Variants in PIK3R3 observed in about 807,000 individuals in gnomAD.
The protein encoded by PIK3R3 is phosphoinositide-3-kinase regulatory subunit 3, also known as phosphatidylinositol 3-kinase regulatory subunit gamma.
In PIK3R3, 64 loss-of-function variants were observed where a neutral mutation model predicts 62.9. The observed-to-expected ratio is 1.02, with a 90% CI of 0.83 to 1.25. The LOEUF (loss-of-function observed/expected upper bound fraction) is 1.25. Among genes scored for constraint, PIK3R3 ranks in the 50% most tolerant of loss-of-function variants. PIK3R3 has a pLI of 0.00. For synonymous variants in PIK3R3, 165 were observed against 189.0 expected (o/e 0.87, Z 1.04); for missense variants, 614 against 561.6 (o/e 1.09, Z -0.94).
At chr1:46,077,812 T>TAA (rs1328088338) in intron 2 of PIK3R3, among the ~76,000 whole-genome samples, 199 bp from the exon 3 acceptor site, 1 of 152,316 alleles carries the variant, frequency 6.6e-6, no homozygotes, top group East Asian at 1.9e-4. Context: ...TTTTTGGTGT[T>TAA]ACGCAATCTA....
At chr1:46,129,168 C>T (rs1376377138) in intron 1 of PIK3R3, among the ~76,000 whole-genome samples, 1 of 151,686 alleles carries the variant, frequency 6.6e-6, no homozygotes, top group Admixed American at 6.6e-5. Flanking sequence ...TATTCTGACA[C>T]CAAAGGTATC....
chr1:46,171,792 A>G, the PIK3R3 span, among the ~76,000 whole-genome samples: 2 of 152,138 alleles, frequency 1.3e-5, no homozygotes, highest in African/African-American at 4.8e-5. Flanking sequence ...TCCAAGGATC[A>G]GATCAGGGCT....
At position 46,108,184 on chromosome 1, in the gene PIK3R3, ACT is replaced by A. The variant is rs1446407175; in HGVS notation, c.106+23661_106+23662del. ...ATTACCTTAACATTATAAAATAAGTACTTTTATAAACTCTTCATAAACATAAA... is the reference window on the plus strand; with the variant it reads ...ATTACCTTAACATTATAAAATAAGTATTTATAAACTCTTCATAAACATAAA... On this transcript the variant is annotated intron_variant, in intron 1 of 9. Coordinates refer to ENST00000262741, the MANE Select transcript of PIK3R3 (RefSeq NM_003629.4). 7.9e-5 allele frequency among the ~76,000 whole-genome samples: 12 copies of A among 152,350 alleles called. No homozygotes were observed. In the South Asian group the frequency reaches 8.3e-4, roughly 11 times the overall value.
At chr1:46,130,739 A>G (rs1655511430) in intron 1 of PIK3R3, among the ~76,000 whole-genome samples, 1 of 152,214 alleles carries the variant, frequency 6.6e-6, no homozygotes, top group Non-Finnish European at 1.5e-5. Flanking sequence ...TTTATTCTGT[A>G]GACTTAGCCA....
intron 1 of PIK3R3, among the ~76,000 whole-genome samples, chr1:46,114,731 A>C (rs1223747596): frequency 6.7e-6 from 1 of 149,536 alleles, no homozygotes; most frequent in Admixed American, 6.7e-5. Context: ...CAGCCTCCCA[A>C]GTAGCCGAGA....
chr1:46,082,494 T>C (rs2149416589), intron 1 of PIK3R3, among the ~76,000 whole-genome samples: 1 of 152,274 alleles, frequency 6.6e-6, no homozygotes, highest in South Asian at 2.1e-4. Flanking sequence ...GGGATCTGAG[T>C]ATGACATAGT....
chr1:46,164,909 G>A, the PIK3R3 span, among the ~76,000 whole-genome samples: 2 of 151,702 alleles, frequency 1.3e-5, no homozygotes, highest in African/African-American at 2.4e-5. Context: ...ATCATATCTC[G>A]TTGCAACCTC....
rs1647007926 is a variant in PIK3R3, at chr1:46,042,114, G to C, written c.*1559C>G. 1 of 221,276 alleles carries C rather than the reference G, an allele frequency of 4.5e-6. No individual in the cohort carries two copies. Among genetic ancestry groups the C allele is most frequent in the African/African-American group, 2.2e-5 (1 of 44,664 alleles). 13.7% of individuals were successfully genotyped at this position (221,276 alleles called of 1,614,324 possible). A position where few individuals can be genotyped will look rare whatever the true frequency, so the allele number is the denominator to read the frequency against. Reference sequence around the variant, plus strand: ...TCACTCTGAGCCTATTATGGTCCCAGGATTGGCTCAGAGGCAGCTGGACTC... The same window carrying C: ...TCACTCTGAGCCTATTATGGTCCCACGATTGGCTCAGAGGCAGCTGGACTC... On this transcript the variant is annotated 3_prime_UTR_variant, in exon 10 of 10. Transcript: ENST00000262741. This position sits in a 1 kb window ranked among gnomAD's most constrained non-coding sequence, Gnocchi z 4.3.
chr1:46,156,604 A>G, the PIK3R3 span, among the ~76,000 whole-genome samples: 1 of 152,180 alleles, frequency 6.6e-6, no homozygotes, highest in East Asian at 1.9e-4. Context: ...TCAATAACAG[A>G]GCCTGACCGG....
chr1:46,126,162 T>C (rs1366373404), intron 1 of PIK3R3, among the ~76,000 whole-genome samples: 2 of 152,286 alleles, frequency 1.3e-5, no homozygotes, highest in African/African-American at 4.8e-5. Context: ...CATTCTCTTA[T>C]AACTGTACAG....
the PIK3R3 span, among the ~76,000 whole-genome samples, chr1:46,167,351 G>T: frequency 1.3e-5 from 2 of 152,244 alleles, no homozygotes; most frequent in African/African-American, 4.8e-5. Flanking sequence ...TGGGAAATGG[G>T]GCAGTGGGGA....
At chr1:46,139,255 A>T in the PIK3R3 span, among the ~76,000 whole-genome samples, 28 of 150,632 alleles carry the variant, frequency 1.9e-4, no homozygotes, top group African/African-American at 6.1e-4. Context: ...TGAACCCACC[A>T]CCTACTAAGG....
intron 1 of PIK3R3, among the ~76,000 whole-genome samples, chr1:46,116,170 T>C (rs1654168004): frequency 6.6e-6 from 1 of 152,120 alleles, no homozygotes; most frequent in Non-Finnish European, 1.5e-5. Context: ...TTCCTCTGAA[T>C]GGGACGCTAT....
intron 7 of PIK3R3, among the ~76,000 whole-genome samples, chr1:46,049,361 G>A (rs1647198234): frequency 6.6e-6 from 1 of 152,186 alleles, no homozygotes; most frequent in Non-Finnish European, 1.5e-5. Flanking sequence ...AAGACAAAAG[G>A]ATTAAGCTGG....
At chr1:46,073,485 T>G (rs897322146) in intron 3 of PIK3R3, among the ~76,000 whole-genome samples, 2 of 152,212 alleles carry the variant, frequency 1.3e-5, no homozygotes, top group African/African-American at 4.8e-5. Flanking sequence ...ACAAATCCAC[T>G]GTAGCAACCC....
chr1:46,118,902 TG>T (rs1004913508), intron 1 of PIK3R3, among the ~76,000 whole-genome samples: 1 of 152,000 alleles, frequency 6.6e-6, no homozygotes, highest in Non-Finnish European at 1.5e-5. Context: ...CTAGCCATAC[TG>T]GCCTCCTAGA....
the PIK3R3 span, among the ~76,000 whole-genome samples, chr1:46,142,374 G>A: frequency 6.6e-6 from 1 of 152,212 alleles, no homozygotes; most frequent in Non-Finnish European, 1.5e-5. Context: ...AAACCCCAGA[G>A]GAGAGCACAT....
intron 1 of PIK3R3, among the ~76,000 whole-genome samples, chr1:46,119,735 CT>C (rs1654496125): frequency 6.6e-6 from 1 of 151,216 alleles, no homozygotes; most frequent in Admixed American, 6.6e-5. Flanking sequence ...TTGTAAGTAG[CT>C]GAGACTACAG....
chr1:46,107,051 G>A lies in PIK3R3; in HGVS notation c.106+24796C>T, dbSNP rs35861008. 8.0e-3 allele frequency among the ~76,000 whole-genome samples: 1,220 copies of A among 152,202 alleles called. 7 individuals carry two copies. Among genetic ancestry groups the A allele is most frequent in the Non-Finnish European group, 9.6e-3 (650 of 68,000 alleles). On this transcript the variant is annotated intron_variant, in intron 1 of 9. Transcript: ENST00000262741. ...GCTGGGATTACAGGCGTGAGCCACC[G>A]TGCCCGGCTGCCTTAGTCTTTTAAA...
Sources: gnomAD v4.1 joint callset for allele counts (sites outside exome capture counted in the v4.1 genomes callset) on GRCh38, gnomAD v4.1.1 for gene constraint, Gnocchi (gnomAD v3.1) non-coding constraint, MANE v1.5 for transcripts, NCBI Gene and HGNC (gene_info 2026-07-23, HGNC 2026-07-21) for gene names.